Variants in CEP85 observed in about 807,000 individuals in gnomAD.
CEP85 encodes the protein centrosomal protein of 85 kDa.
CEP85 carries 58 observed loss-of-function variants against 93.7 expected under a neutral mutation model. That is an observed-to-expected ratio of 0.62 (90% confidence interval 0.50 to 0.77). The LOEUF is 0.77. CEP85 is among the 30% of genes least tolerant of loss of function. The probability of loss-of-function intolerance (pLI) is 0.00; values close to 1 mark genes in which losing one functional copy is unlikely to be tolerated. For missense variants in CEP85, 868 were observed against 922.0 expected, an observed-to-expected ratio of 0.94 and a Z score of 0.76; for synonymous variants, 314 against 338.6, an observed-to-expected ratio of 0.93 and a Z score of 0.80.
chr1:26,244,700 T>C (rs2089483242), intron 3 of CEP85, among the ~76,000 whole-genome samples: 1 of 152,082 alleles, frequency 6.6e-6, no homozygotes, highest in Admixed American at 6.6e-5. Flanking sequence ...TTTTGTGTGT[T>C]TTTATAGAGA....
intron 2 of CEP85, among the ~76,000 whole-genome samples, chr1:26,243,174 C>T (rs2089455121): frequency 6.8e-6 from 1 of 147,678 alleles, no homozygotes; most frequent in South Asian, 2.1e-4. Context: ...CTCTTGTTGC[C>T]TAGGCTGGAG....
chr1:26,240,753 G>T (rs998856742), intron 2 of CEP85, among the ~76,000 whole-genome samples: 2 of 151,972 alleles, frequency 1.3e-5, no homozygotes, highest in Non-Finnish European at 2.9e-5. Context: ...AAATTAGCCG[G>T]GTGCAGTGGC....
intron 2 of CEP85, among the ~76,000 whole-genome samples, chr1:26,241,838 T>C (rs530607334): frequency 1.4e-4 from 21 of 152,140 alleles, no homozygotes; most frequent in Admixed American, 3.9e-4. Context: ...CTCAGCTCAC[T>C]GCAACTTCTG....
chr1:26,268,619 A>G lies in CEP85; in HGVS notation c.1478A>G (p.Gln493Arg), dbSNP rs753394861. The G allele has an allele frequency of 2.5e-6, 4 of 1,610,748 alleles. No homozygotes were observed. The African/African-American group carries it at 5.4e-5, about 22-fold the overall frequency. Residue 493 changes from glutamine to arginine, a missense_variant, in exon 8 of 14, where the codon CAG (glutamine) becomes CGG (arginine). By Grantham distance (43) the Gln-to-Arg change is conservative (BLOSUM62 1). Transcript: ENST00000451429. ...GACCTGCCCACACTGGAAGACCATCAGAAGCAGAGCCAGCAGGTAGCAGCA... is the reference window on the plus strand; with the variant it reads ...GACCTGCCCACACTGGAAGACCATCGGAAGCAGAGCCAGCAGGTAGCAGCA... ...LADLPTLEDH[Q>R]KQSQQLKDSE...
Position 26,258,237 on chromosome 1 carries a change from G to T in CEP85, c.1132G>T (p.Asp378Tyr). Residue 378 changes from aspartate (D) to tyrosine (Y), a missense_variant, in exon 6 of 14, where the codon GAT (aspartate) becomes TAT (tyrosine). Asp to Tyr is a radical substitution (Grantham distance 160). Coordinates refer to ENST00000451429, the MANE Select transcript of CEP85 (RefSeq NM_001319944.2). ...CTTGGGCCGCCCTGCCCCCTTTGGTGATGTCTGCTTGCTGAGGCTACAGGT... is the reference window on the plus strand; with the variant it reads ...CTTGGGCCGCCCTGCCCCCTTTGGTTATGTCTGCTTGCTGAGGCTACAGGT... Reference protein sequence around the residue: ...ALLGRPAPFGDVCLLRLQELQ... With the variant: ...ALLGRPAPFGYVCLLRLQELQ... The T allele has an allele frequency of 6.2e-7, 1 of 1,613,610 alleles. No individual in the cohort carries two copies. Among genetic ancestry groups the T allele is most frequent in the African/African-American group, 1.3e-5 (1 of 75,040 alleles).
chr1:26,264,190 T>A (rs1201924545), intron 7 of CEP85, among the ~76,000 whole-genome samples: 3 of 152,214 alleles, frequency 2.0e-5, no homozygotes, highest in Non-Finnish European at 2.9e-5. Context: ...TTTTGGTGTC[T>A]TTCATGTTAG....
chr1:26,249,245 C>A (rs1168764371), intron 3 of CEP85, among the ~76,000 whole-genome samples: 1 of 151,954 alleles, frequency 6.6e-6, no homozygotes, highest in Non-Finnish European at 1.5e-5. Flanking sequence ...CCACACCCAG[C>A]TAATTTTTGT....
intron 1 of CEP85, among the ~76,000 whole-genome samples, chr1:26,235,476 GCTGT>G (rs1468635153): frequency 2.0e-5 from 3 of 151,804 alleles, no homozygotes; most frequent in African/African-American, 7.3e-5. Flanking sequence ...GTCTGTGTCA[GCTGT>G]CTGTGTATCC....
rs1326260796 is a variant in CEP85 at position 26,277,395 on chromosome 1, C to T, written c.*102C>T. 16 of 1,134,176 alleles carry T rather than the reference C, an allele frequency of 1.4e-5. No individual in the cohort carries two copies. Among genetic ancestry groups the T allele is most frequent in the African/African-American group, 3.1e-5 (2 of 63,992 alleles). The allele number at this position is 1,134,176 out of a possible 1,614,324, so 70.3% of individuals were successfully genotyped here. A position where few individuals can be genotyped will look rare whatever the true frequency, so the allele number is the denominator to read the frequency against. On this transcript the variant is annotated 3_prime_UTR_variant, in exon 14 of 14. Coordinates refer to ENST00000451429, the MANE Select transcript of CEP85 (RefSeq NM_001319944.2). The stretch of plus-strand genomic sequence containing the variant: ...TCTTGTCTGCTATTCCCAGAGAGGT[C>T]TCAGAGGGGAGGGGAGAGCCTGCAT...
chr1:26,270,863 C>T, intron 9 of CEP85, 151 bp from the exon 10 acceptor site: 1 of 558,934 alleles, frequency 1.8e-6, no homozygotes, highest in South Asian at 2.3e-5. Context: ...TTTTGTGTGG[C>T]ACCCCATATA....
chr1:26,259,602 G>C lies in CEP85; in HGVS notation c.1156-15G>C. The C allele has an allele frequency of 1.9e-6, 3 of 1,599,020 alleles. No individual in the cohort carries two copies. The highest frequency in any genetic ancestry group is 2.6e-6 in the Non-Finnish European group (3 of 1,172,256). Reference sequence around the variant, plus strand: ...AGGGTAGAGAACAGTTACATATTGAGAATCTTTCTGGCAGGAATTGCAGCG... The same window carrying C: ...AGGGTAGAGAACAGTTACATATTGACAATCTTTCTGGCAGGAATTGCAGCG... On this transcript the variant is annotated splice_polypyrimidine_tract_variant and intron_variant, in intron 6 of 13. Transcript: ENST00000451429.
At chr1:26,258,837 C>T (rs1446770643) in intron 6 of CEP85, among the ~76,000 whole-genome samples, 3 of 152,064 alleles carry the variant, frequency 2.0e-5, no homozygotes, top group African/African-American at 4.8e-5. Context: ...CCTCGTGATC[C>T]GCCTACCTCG....
Position 26,257,735 on chromosome 1 carries a change from G to C in CEP85, c.1037+5G>C. The C allele has an allele frequency of 6.2e-7, 1 of 1,614,048 alleles. No homozygotes were observed. The highest frequency in any genetic ancestry group is 1.1e-5 in the South Asian group (1 of 91,070). On this transcript the variant is annotated splice_donor_5th_base_variant and intron_variant, in intron 5 of 13. Transcript: ENST00000451429. ...AAAAGAGCTTCTCATTGACAAGTAA[G>C]AGGGCAAGGGGTACCACAGAGCCAG...
intron 3 of CEP85, among the ~76,000 whole-genome samples, chr1:26,251,401 G>A (rs1412167848): frequency 3.9e-5 from 6 of 152,012 alleles, no homozygotes; most frequent in African/African-American, 9.6e-5. Context: ...ACAGGCATGC[G>A]TCACCACGCC....
Position 26,234,317 on chromosome 1 carries a change from T to G in CEP85, c.-23+7T>G, listed in dbSNP as rs1055067479. On this transcript the variant is annotated splice_region_variant and intron_variant, in intron 1 of 13. Coordinates refer to ENST00000451429, the MANE Select transcript of CEP85 (RefSeq NM_001319944.2). The stretch of plus-strand genomic sequence containing the variant: ...CGCCCGCTTTCAGGCCCGTGTAAGT[T>G]TTCCTCCTTCGGGAGCCTCAGTCCT... 2.6e-5 allele frequency: 4 copies of G among 152,272 alleles called. No individual in the cohort carries two copies. The highest frequency in any genetic ancestry group is 2.0e-4 in the Admixed American group (3 of 15,286). The allele number at this position is 152,272 out of a possible 1,614,324, so 9.4% of individuals were successfully genotyped here. A position where few individuals can be genotyped will look rare whatever the true frequency, so the allele number is the denominator to read the frequency against.
intron 3 of CEP85, among the ~76,000 whole-genome samples, chr1:26,252,270 C>T (rs111581241): frequency 1.4e-5 from 2 of 146,648 alleles, no homozygotes; most frequent in African/African-American, 5.1e-5. Context: ...CAGTGGCTCA[C>T]ACCTGTAATC....
At chr1:26,252,393 G>A (rs1274356010) in intron 3 of CEP85, among the ~76,000 whole-genome samples, 5 of 150,880 alleles carry the variant, frequency 3.3e-5, no homozygotes, top group South Asian at 2.1e-4. Context: ...TTAGCCGGGC[G>A]TGGTGGAGCA....
chr1:26,255,914 G>T, intron 4 of CEP85, 49 bp downstream of exon 4: 4 of 1,455,048 alleles, frequency 2.7e-6, no homozygotes, highest in South Asian at 1.3e-5. Context: ...ACAGTTCTTA[G>T]AATTGTAATA....
chr1:26,266,190 C>T (rs1317246330), intron 7 of CEP85, among the ~76,000 whole-genome samples: 3 of 151,550 alleles, frequency 2.0e-5, no homozygotes, highest in South Asian at 2.1e-4. Context: ...GCCTGGGCAA[C>T]AAGAATGAAA....
Sources: allele counts gnomAD v4.1 joint callset (sites outside exome capture counted in the v4.1 genomes callset), GRCh38; gene constraint gnomAD v4.1.1; transcripts MANE v1.5; gene names NCBI Gene and HGNC (gene_info 2026-07-23, HGNC 2026-07-21).